The following CDH18 variants were observed in gnomAD, a reference collection of about 807,000 sequenced individuals.
CDH18 encodes the protein cadherin 18, also known as cadherin-18.
CDH18 carries 31 observed loss-of-function variants against 67.9 expected under a neutral mutation model. The observed-to-expected ratio is 0.46, with a 90% confidence interval of 0.34 to 0.62. The LOEUF (loss-of-function observed/expected upper bound fraction) is 0.62. Among genes scored for constraint, CDH18 ranks in the 20% least tolerant of loss-of-function variants. The pLI is 0.01. For missense variants in CDH18, 890 were observed against 975.5 expected, an observed-to-expected ratio of 0.91 and a Z score of 1.17; for synonymous variants, 362 against 347.2, an observed-to-expected ratio of 1.04 and a Z score of -0.48.
At chr5:19,623,674 A>C (rs994524376) in intron 5 of CDH18, among the ~76,000 whole-genome samples, 9 of 151,950 alleles carry the variant, frequency 5.9e-5, no homozygotes, top group African/African-American at 2.2e-4. Context: ...TTACTATTAG[A>C]GAAAGGGTAT....
At chr5:20,498,245 C>G (rs189103370) in intron 1 of CDH18, among the ~76,000 whole-genome samples, 1 of 151,966 alleles carries the variant, frequency 6.6e-6, no homozygotes, top group African/African-American at 2.4e-5. Context: ...ATTTTTGTAC[C>G]AGCAGTAGTA....
intron 2 of CDH18, among the ~76,000 whole-genome samples, chr5:20,083,224 A>C (rs1036069331): frequency 6.6e-6 from 1 of 152,204 alleles, no homozygotes; most frequent in Non-Finnish European, 1.5e-5. Flanking sequence ...GTTTAAAAGA[A>C]AGGGCAGATT....
At chr5:19,535,311 C>T (rs965833879) in intron 9 of CDH18, among the ~76,000 whole-genome samples, 1 of 152,114 alleles carries the variant, frequency 6.6e-6, no homozygotes, top group Non-Finnish European at 1.5e-5. Context: ...CTATTCCCTT[C>T]GCGAGCTAAG....
Position 19,721,452 on chromosome 5 carries a change from G to A in CDH18, c.538C>T (p.Gln180Ter). Residue 180 changes from glutamine (Q) to a stop codon, truncating the protein, a stop_gained, in exon 5 of 13, where the codon CAG (glutamine) becomes TAG (stop). Transcript: ENST00000382275. LOFTEE classifies it high-confidence loss of function. Reference protein sequence around the residue: ...EMSDMGTSVLQVTATDADDPT... With the variant: ...EMSDMGTSVL ...TCATCTGCATCAGTAGCTGTCACCT[G>A]TAGAACAGAGGTACCTGTGCATTCA... is the stretch of plus-strand genomic sequence containing the variant. 6.2e-7 allele frequency: 1 copy of A among 1,611,132 alleles called. No individual in the cohort carries two copies. Among genetic ancestry groups the A allele is most frequent in the Non-Finnish European group, 8.5e-7 (1 of 1,177,792 alleles).
At chr5:20,492,669 T>A (rs1396079712) in intron 1 of CDH18, among the ~76,000 whole-genome samples, 2 of 152,198 alleles carry the variant, frequency 1.3e-5, no homozygotes, top group African/African-American at 4.8e-5. Flanking sequence ...AAAGAAAGTT[T>A]GAGACATATT....
chr5:19,840,555 AG>A (rs1782187648), intron 2 of CDH18, among the ~76,000 whole-genome samples: 1 of 151,632 alleles, frequency 6.6e-6, no homozygotes, highest in Non-Finnish European at 1.5e-5. Flanking sequence ...ATACAAAACT[AG>A]GTGGGCATGG....
rs924112605 is a variant in CDH18 at position 20,448,927 on chromosome 5, C to A, written c.-580+126535G>T. 2.6e-5 allele frequency among the ~76,000 whole-genome samples: 4 copies of A among 151,938 alleles called. No homozygotes were observed. The East Asian group carries it at 7.7e-4, about 29-fold the overall frequency. On this transcript the variant is annotated intron_variant, in intron 1 of 14. Transcript: ENST00000507958. ...TTAGATATCACGTCTGGAACTGAAG[C>A]AGCTATCTTGAGAACTTGAGTAAAA...
chr5:20,484,459 T>C (rs1344152655), intron 1 of CDH18, among the ~76,000 whole-genome samples: 1 of 152,000 alleles, frequency 6.6e-6, no homozygotes, highest in Non-Finnish European at 1.5e-5. Context: ...AATCAGTATA[T>C]GGAAAGGATA....
intron 7 of CDH18, among the ~76,000 whole-genome samples, chr5:19,583,498 G>T (rs969676652): frequency 1.3e-5 from 2 of 151,992 alleles, no homozygotes; most frequent in Admixed American, 6.6e-5. Context: ...ATATACACAC[G>T]GTATTTCATT....
At position 19,915,665 on chromosome 5, in the gene CDH18, AATTT is replaced by A. The variant is rs1442317239; in HGVS notation, c.-257+65391_-257+65394del. Among the ~76,000 whole-genome samples, 149 of 152,262 alleles carry A rather than the reference AATTT, an allele frequency of 9.8e-4. 1 individual carries two copies. The highest frequency in any genetic ancestry group is 3.5e-3 in the African/African-American group (145 of 41,580). On this transcript the variant is annotated intron_variant, in intron 2 of 12. Coordinates refer to ENST00000382275, the MANE Select transcript of CDH18 (RefSeq NM_004934.5). ...AAAATTCATTTACAGTATTATACTG[AATTT>A]ATAACATACATATATATCATTGTTT... is the stretch of plus-strand genomic sequence containing the variant.
chr5:20,013,536 C>T (rs572259755), intron 2 of CDH18, among the ~76,000 whole-genome samples: 2 of 151,868 alleles, frequency 1.3e-5, no homozygotes, highest in Non-Finnish European at 2.9e-5. Context: ...AATGCTTCTT[C>T]GTATCTGATT....
At chr5:19,872,038 T>C (rs894864595) in intron 2 of CDH18, among the ~76,000 whole-genome samples, 25 of 152,322 alleles carry the variant, frequency 1.6e-4, no homozygotes, top group African/African-American at 6.0e-4. Flanking sequence ...TAGTGGAAAC[T>C]CTTTGTTTTA....
At chr5:19,794,499 A>G (rs193261594) in intron 3 of CDH18, among the ~76,000 whole-genome samples, 13 of 152,210 alleles carry the variant, frequency 8.5e-5, no homozygotes, top group African/African-American at 2.9e-4. Context: ...ACAGAAGATA[A>G]TGGGATTTCT....
At chr5:20,306,841 A>G (rs1736503087) in intron 1 of CDH18, among the ~76,000 whole-genome samples, 1 of 148,278 alleles carries the variant, frequency 6.7e-6, no homozygotes, top group Admixed American at 6.8e-5. Context: ...TTATTGATTT[A>G]ATTTGTTTAA....
intron 3 of CDH18, among the ~76,000 whole-genome samples, chr5:19,787,081 A>G (rs967511219): frequency 6.6e-6 from 1 of 152,206 alleles, no homozygotes; most frequent in African/African-American, 2.4e-5. Flanking sequence ...GTACCTCTAT[A>G]GAAAGGAAGA....
intron 1 of CDH18, among the ~76,000 whole-genome samples, chr5:20,452,005 T>C (rs1508545): frequency 0.73 from 110,731 of 151,896 alleles, 40,762 homozygotes; most frequent in Admixed American, 0.84. Flanking sequence ...GAAATTTATA[T>C]ACTTTATACC....
chr5:20,535,569 A>AT (rs1044725440), intron 1 of CDH18, among the ~76,000 whole-genome samples: 9 of 152,022 alleles, frequency 5.9e-5, no homozygotes, highest in Non-Finnish European at 1.0e-4. Context: ...TGGAAATTAG[A>AT]TTTTTTTGTG....
At chr5:19,830,260 C>G (rs1780868238) in intron 3 of CDH18, among the ~76,000 whole-genome samples, 1 of 152,002 alleles carries the variant, frequency 6.6e-6, no homozygotes, top group Admixed American at 6.6e-5. Flanking sequence ...ACAACTTATG[C>G]AATGGGAGAA....
intron 1 of CDH18, among the ~76,000 whole-genome samples, chr5:20,347,736 A>G (rs1349794619): frequency 6.6e-6 from 1 of 152,186 alleles, no homozygotes; most frequent in Non-Finnish European, 1.5e-5. Flanking sequence ...TTGGTTAAGC[A>G]TTCATGGGTA....
Sources: allele counts gnomAD v4.1 joint callset (sites outside exome capture counted in the v4.1 genomes callset), GRCh38; gene constraint gnomAD v4.1.1; transcripts MANE v1.5; gene names NCBI Gene and HGNC (gene_info 2026-07-23, HGNC 2026-07-21).